Variants in PHF21A observed in about 807,000 individuals in gnomAD.
PHF21A encodes the protein BHC80a.
In PHF21A, 11 loss-of-function variants were observed where a neutral mutation model predicts 82.5. The observed-to-expected ratio is 0.13, with a 90% CI of 0.08 to 0.22. PHF21A has a LOEUF of 0.22. PHF21A is among the 10% of genes least tolerant of loss of function. PHF21A has a pLI of 1.00. For missense variants in PHF21A, 579 were observed against 837.8 expected, an observed-to-expected ratio of 0.69 and a Z score of 3.81; for synonymous variants, 297 against 302.8, an observed-to-expected ratio of 0.98 and a Z score of 0.20.
chr11:45,977,982 T>C (rs563921663), intron 7 of PHF21A, among the ~76,000 whole-genome samples: 21 of 152,216 alleles, frequency 1.4e-4, no homozygotes, highest in Middle Eastern at 3.4e-3. Context: ...GTAACCTCTC[T>C]GTGCCTTAGT....
At chr11:46,004,314 G>A (rs535121753) in intron 6 of PHF21A, among the ~76,000 whole-genome samples, 3 of 152,256 alleles carry the variant, frequency 2.0e-5, no homozygotes, top group Admixed American at 6.5e-5. Context: ...TGACATCACA[G>A]ATGGTGTTTT....
At chr11:46,008,415 T>C (rs1351203285) in intron 6 of PHF21A, among the ~76,000 whole-genome samples, 1 of 152,188 alleles carries the variant, frequency 6.6e-6, no homozygotes. Context: ...AATTCCTCTC[T>C]TGCTTTCCTG....
intron 6 of PHF21A, among the ~76,000 whole-genome samples, chr11:46,066,405 T>TA (rs1472491247): frequency 2.6e-5 from 4 of 152,136 alleles, no homozygotes; most frequent in Non-Finnish European, 4.4e-5. Context: ...GTGTTCCTTA[T>TA]AAAAAATAAA....
chr11:45,934,469 C>T (rs1480680328), intron 18 of PHF21A: 8 of 501,094 alleles, frequency 1.6e-5, no homozygotes, highest in South Asian at 8.8e-5. Context: ...AAAGAGCATG[C>T]GGGCACCAAC....
At chr11:45,952,715 T>C (rs1591157114) in intron 11 of PHF21A, among the ~76,000 whole-genome samples, 2 of 152,258 alleles carry the variant, frequency 1.3e-5, no homozygotes, top group East Asian at 1.9e-4. Flanking sequence ...TTTAAAAAAA[T>C]GGCATGAAGC....
chr11:45,973,980 C>G (rs2093901788), intron 7 of PHF21A, among the ~76,000 whole-genome samples: 5 of 152,204 alleles, frequency 3.3e-5, no homozygotes, highest in Admixed American at 2.0e-4. Context: ...ACTAAAGCCT[C>G]AAACTCACCT....
intron 7 of PHF21A, among the ~76,000 whole-genome samples, chr11:45,973,722 T>C (rs1487909680): frequency 2.0e-5 from 3 of 152,228 alleles, no homozygotes; most frequent in Non-Finnish European, 4.4e-5. Context: ...CACAGTGTAT[T>C]AGCCCTTGTT....
At chr11:45,971,568 A>G (rs1282654504) in intron 7 of PHF21A, among the ~76,000 whole-genome samples, 3 of 152,220 alleles carry the variant, frequency 2.0e-5, no homozygotes, top group Non-Finnish European at 4.4e-5. Flanking sequence ...CTAGTTTTCA[A>G]GAGTTCTCAT....
intron 1 of PHF21A, among the ~76,000 whole-genome samples, chr11:46,109,006 T>C (rs1463417185): frequency 3.3e-5 from 5 of 152,208 alleles, no homozygotes; most frequent in Admixed American, 3.3e-4. Context: ...CTACTCAACC[T>C]AACCCAACCA....
At chr11:46,117,294 T>C (rs1187001835) in intron 1 of PHF21A, 1 of 152,248 alleles carries the variant, frequency 6.6e-6, no homozygotes, top group Non-Finnish European at 1.5e-5. Flanking sequence ...AGTGGCATGA[T>C]ATTTTCAGTG....
At position 45,948,842 on chromosome 11, in the gene PHF21A, G is replaced by C. The variant is rs375277440; in HGVS notation, c.1288+44C>G. The C allele has an allele frequency of 6.9e-6, 10 of 1,453,874 alleles. No individual in the cohort carries two copies. The African/African-American group carries it at 1.1e-4, about 16-fold the overall frequency. 90.1% of individuals were successfully genotyped at this position (1,453,874 alleles called of 1,614,324 possible). A position where few individuals can be genotyped will look rare whatever the true frequency, so the allele number is the denominator to read the frequency against. ...GAAGGAGAAGAAACACACACACAAA[G>C]CAAAAGCAACAGCAGCAAGGGAGAG... On this transcript the variant is annotated intron_variant, in intron 14 of 18. Transcript: ENST00000676320.
Position 46,103,596 on chromosome 11 carries a change from C to T in PHF21A, c.-236-11373G>A, listed in dbSNP as rs373186108. On this transcript the variant is annotated intron_variant, in intron 1 of 18. Transcript: ENST00000676320. Reference sequence around the variant, plus strand: ...TATAGTAAACACACCTATTCACCTACTAGACCTTTATCAAATGGTACAGCT... The same window carrying T: ...TATAGTAAACACACCTATTCACCTATTAGACCTTTATCAAATGGTACAGCT... Among the ~76,000 whole-genome samples the T allele has an allele frequency of 1.5e-4, 23 of 152,322 alleles. No individual in the cohort carries two copies. The East Asian group carries it at 4.0e-3, about 27-fold the overall frequency.
At chr11:46,062,653 C>T (rs769511544) in intron 6 of PHF21A, among the ~76,000 whole-genome samples, 1 of 152,054 alleles carries the variant, frequency 6.6e-6, no homozygotes, top group Non-Finnish European at 1.5e-5. Flanking sequence ...TGATTCTTGG[C>T]TATGTTCATA....
intron 10 of PHF21A, among the ~76,000 whole-genome samples, chr11:45,962,351 T>C (rs1376228974): frequency 6.6e-6 from 1 of 152,132 alleles, no homozygotes; most frequent in Non-Finnish European, 1.5e-5. Context: ...CTACATACAT[T>C]ACATTGTTTT....
intron 7 of PHF21A, among the ~76,000 whole-genome samples, chr11:45,972,134 A>G (rs545360091): frequency 6.6e-6 from 1 of 151,778 alleles, no homozygotes; most frequent in South Asian, 2.1e-4. Flanking sequence ...ATGCAATGAA[A>G]CATGACAAGG....
chr11:46,058,766 TA>T (rs1207402437), intron 6 of PHF21A, among the ~76,000 whole-genome samples: 1 of 152,184 alleles, frequency 6.6e-6, no homozygotes, highest in Non-Finnish European at 1.5e-5. Context: ...AAAGCAGGCT[TA>T]TTACATTCTC....
chr11:46,080,522 T>C (rs1160772275), intron 4 of PHF21A, among the ~76,000 whole-genome samples: 1 of 152,088 alleles, frequency 6.6e-6, no homozygotes, highest in African/African-American at 2.4e-5. Context: ...AATGATTATA[T>C]TAATATACTA....
chr11:46,114,012 A>G (rs1014105564), intron 1 of PHF21A, among the ~76,000 whole-genome samples: 1 of 152,024 alleles, frequency 6.6e-6, no homozygotes, highest in African/African-American at 2.4e-5. Flanking sequence ...AAAACAAACA[A>G]AAAACACTGA....
chr11:46,064,452 G>A (rs945903325), intron 6 of PHF21A, among the ~76,000 whole-genome samples: 13 of 152,134 alleles, frequency 8.5e-5, no homozygotes, highest in Non-Finnish European at 1.6e-4. Flanking sequence ...GATGAGAGAG[G>A]TTAGCCAAAC....
Sources: gnomAD v4.1 joint callset for allele counts (sites outside exome capture counted in the v4.1 genomes callset) on GRCh38, gnomAD v4.1.1 for gene constraint, MANE v1.5 for transcripts, NCBI Gene and HGNC (gene_info 2026-07-23, HGNC 2026-07-21) for gene names.